The following DNAH14 variants were observed in gnomAD, a reference collection of about 807,000 sequenced individuals.
DNAH14 encodes axonemal beta dynein heavy chain 14.
A neutral mutation model predicts 520.9 loss-of-function variants in DNAH14; 478 were observed. The ratio of observed to expected loss-of-function variants is 0.92; its 90% CI spans 0.85 to 0.99. The LOEUF is 0.99. DNAH14 is among the 50% of genes least tolerant of loss of function. The probability of loss-of-function intolerance (pLI) is 0.00; values close to 1 mark genes in which losing one functional copy is unlikely to be tolerated. For missense variants in DNAH14, 4,831 were observed against 5,234.5 expected (o/e 0.92, Z 2.38); for synonymous variants, 1,581 against 1,757.2 (o/e 0.90, Z 2.51).
At chr1:225,078,456 A>C (rs1036690669) in intron 17 of DNAH14, among the ~76,000 whole-genome samples, 1 of 152,114 alleles carries the variant, frequency 6.6e-6, no homozygotes, top group African/African-American at 2.4e-5. Context: ...TAACTTACTT[A>C]TTTTATGTCT....
chr1:225,141,906 C>T (rs189769651), intron 28 of DNAH14, among the ~76,000 whole-genome samples: 4 of 152,210 alleles, frequency 2.6e-5, no homozygotes, highest in South Asian at 2.1e-4. Context: ...AATAAATGTA[C>T]GGTTAGCATA....
chr1:225,334,783 C>T (rs1269981177), intron 66 of DNAH14, among the ~76,000 whole-genome samples: 5 of 151,650 alleles, frequency 3.3e-5, no homozygotes, highest in Non-Finnish European at 5.9e-5. Context: ...GTGGGAGGAT[C>T]GCTTGAGCCC....
At chr1:225,170,305 A>G (rs1421760974) in intron 36 of DNAH14, among the ~76,000 whole-genome samples, 1 of 152,200 alleles carries the variant, frequency 6.6e-6, no homozygotes, top group Non-Finnish European at 1.5e-5. Flanking sequence ...GAATGCTCCA[A>G]TTAAAAGACA....
chr1:225,151,885 T>C, intron 31 of DNAH14, 120 bp from the exon 32 acceptor site: 1 of 854,266 alleles, frequency 1.2e-6, no homozygotes, highest in Non-Finnish European at 2.0e-6. Context: ...TTTTCCAGTG[T>C]GCTCTGTTTG....
At chr1:225,223,507 C>T (rs996902275) in intron 41 of DNAH14, among the ~76,000 whole-genome samples, 1 of 152,106 alleles carries the variant, frequency 6.6e-6, no homozygotes, top group Non-Finnish European at 1.5e-5. Context: ...ATCAAACACC[C>T]CTTGGAATTC....
chr1:224,960,746 G>A (rs554815941), intron 4 of DNAH14, among the ~76,000 whole-genome samples: 102 of 151,960 alleles, frequency 6.7e-4, no homozygotes, highest in African/African-American at 2.2e-3. Context: ...ATTCTTCTTA[G>A]TATTAATATT....
At position 225,388,436 on chromosome 1, in the gene DNAH14, C is replaced by T. The variant is rs919571747; in HGVS notation, c.13135C>T (p.Arg4379Ter). The stretch of plus-strand genomic sequence containing the variant: ...TTCCTGGATTGATGATCTCATCCAG[C>T]GACTGAATTTCTTCAATACTTGGGC... ...LSSWIDDLIQ[R>*]LNFFNTWAKV... is the part of the protein sequence containing the mutation. Residue 4379 changes from arginine to a stop codon, truncating the protein, a stop_gained, in exon 82 of 86, where the codon CGA becomes TGA. Coordinates refer to ENST00000682510, the MANE Select transcript of DNAH14 (RefSeq NM_001367479.1). LOFTEE classifies it high-confidence loss of function. 8.5e-6 allele frequency: 13 copies of T among 1,534,498 alleles called. No homozygotes were observed. Among genetic ancestry groups the T allele is most frequent in the African/African-American group, 1.4e-5 (1 of 72,814 alleles).
At chr1:225,021,112 A>C (rs1462544243) in intron 10 of DNAH14, among the ~76,000 whole-genome samples, 1 of 152,238 alleles carries the variant, frequency 6.6e-6, no homozygotes, top group Non-Finnish European at 1.5e-5. Context: ...TGCATGTTAA[A>C]AACTCTCAAC....
chr1:225,132,187 G>A (rs570868739), intron 27 of DNAH14, among the ~76,000 whole-genome samples: 1 of 149,190 alleles, frequency 6.7e-6, no homozygotes, highest in South Asian at 2.1e-4. Context: ...CCATTATCAA[G>A]TTGTTGTTTT....
chr1:225,207,459 T>TAG (rs749113170), intron 41 of DNAH14, among the ~76,000 whole-genome samples: 12 of 152,174 alleles, frequency 7.9e-5, no homozygotes, highest in Non-Finnish European at 1.5e-4. Flanking sequence ...AAAGAACCAC[T>TAG]AGAGGGTCTC....
chr1:225,150,516 C>T (rs771315750), intron 31 of DNAH14, among the ~76,000 whole-genome samples: 14 of 152,008 alleles, frequency 9.2e-5, no homozygotes, highest in Admixed American at 3.9e-4. Flanking sequence ...GGCTGTGAAT[C>T]TGTTCGATCC....
chr1:225,019,592 C>T (rs2065493554), intron 10 of DNAH14, among the ~76,000 whole-genome samples: 1 of 152,136 alleles, frequency 6.6e-6, no homozygotes, highest in Non-Finnish European at 1.5e-5. Flanking sequence ...CTACAGAACA[C>T]TATGCCTAAC....
intron 66 of DNAH14, among the ~76,000 whole-genome samples, chr1:225,336,432 A>C (rs899826667): frequency 1.3e-5 from 2 of 152,092 alleles, no homozygotes; most frequent in African/African-American, 2.4e-5. Flanking sequence ...AACAATTCTA[A>C]ATTTGTACCT....
chr1:225,022,927 T>G (rs888071498), intron 10 of DNAH14, among the ~76,000 whole-genome samples: 1 of 152,192 alleles, frequency 6.6e-6, no homozygotes, highest in African/African-American at 2.4e-5. Flanking sequence ...AAGAACGATA[T>G]CATGTCCTTT....
chr1:225,343,841 A>G (rs896188411), intron 69 of DNAH14, among the ~76,000 whole-genome samples: 1 of 152,134 alleles, frequency 6.6e-6, no homozygotes, highest in African/African-American at 2.4e-5. Flanking sequence ...GGAGCAAAAT[A>G]TCTAAGTATT....
At chr1:225,284,217 T>C (rs554940751) in intron 54 of DNAH14, among the ~76,000 whole-genome samples, 13 of 152,034 alleles carry the variant, frequency 8.6e-5, no homozygotes, top group Non-Finnish European at 1.6e-4. Flanking sequence ...AAGTTGGTTC[T>C]TTGAAAAGAT....
intron 17 of DNAH14, among the ~76,000 whole-genome samples, chr1:225,078,334 C>T (rs1417611403): frequency 3.3e-5 from 5 of 152,058 alleles, no homozygotes; most frequent in Admixed American, 6.6e-5. Flanking sequence ...TGATCATGTA[C>T]GTAAAGAACC....
At position 225,240,766 on chromosome 1, in the gene DNAH14, T is replaced by G. The variant is rs1279964992; in HGVS notation, c.6692T>G (p.Val2231Gly). 1.3e-6 allele frequency: 2 copies of G among 1,550,320 alleles called. No homozygotes were observed. Among genetic ancestry groups the G allele is most frequent in the Admixed American group, 3.9e-5 (2 of 50,974 alleles). ...PSLEPDSLAK[V>G]TYDFDKLVHE... ...CTTGAACCTGATTCTCTTGCAAAAG[T>G]AACATACGATTTTGACAAACTTGTT... Residue 2231 changes from valine (V) to glycine (G), a missense_variant, in exon 43 of 86, where the codon GTA becomes GGA. Coordinates refer to ENST00000682510, the MANE Select transcript of DNAH14 (RefSeq NM_001367479.1).
At chr1:224,986,487 C>A (rs1310320298) in intron 8 of DNAH14, among the ~76,000 whole-genome samples, 8 of 152,020 alleles carry the variant, frequency 5.3e-5, no homozygotes, top group Non-Finnish European at 1.0e-4. Flanking sequence ...TTCAACATAT[C>A]AACATTTGTA....
Sources: allele counts gnomAD v4.1 joint callset (sites outside exome capture counted in the v4.1 genomes callset), GRCh38; gene constraint gnomAD v4.1.1; transcripts MANE v1.5; gene names NCBI Gene and HGNC (gene_info 2026-07-23, HGNC 2026-07-21).